GUCY1A1: variants seen among roughly 807,000 people sequenced by gnomAD.
The protein encoded by GUCY1A1 is guanylate cyclase 1 soluble subunit alpha 1.
GUCY1A1 carries 48 observed loss-of-function variants against 64.5 expected under a neutral mutation model. That is an observed-to-expected ratio of 0.74 (90% confidence interval 0.59 to 0.95). GUCY1A1 has a LOEUF of 0.95. Ranked by LOEUF, GUCY1A1 falls within the 40% of genes least tolerant of loss-of-function variation. GUCY1A1 has a pLI of 0.00. For synonymous variants in GUCY1A1, 308 were observed against 303.4 expected, an observed-to-expected ratio of 1.02 and a Z score of -0.16; for missense variants, 804 against 825.3, an observed-to-expected ratio of 0.97 and a Z score of 0.32.
chr4:155,730,259 T>C lies in GUCY1A1; in HGVS notation c.*28T>C, dbSNP rs1735385685. ...ACCTATATACCTATTTATAAGTCTT[T>C]GGGGTTTGACTCATTGAAGATGTGT... On this transcript the variant is annotated 3_prime_UTR_variant, in exon 10 of 10. Coordinates refer to ENST00000506455, the MANE Select transcript of GUCY1A1 (RefSeq NM_001130682.3). The C allele has an allele frequency of 5.5e-6, 8 of 1,456,254 alleles. No individual in the cohort carries two copies. In the South Asian group the frequency reaches 9.1e-5, roughly 17 times the overall value. The allele number at this position is 1,456,254 out of a possible 1,614,324, so 90.2% of individuals were successfully genotyped here.
At chr4:155,691,530 C>A (rs572495304) in intron 2 of GUCY1A1, among the ~76,000 whole-genome samples, 1 of 152,256 alleles carries the variant, frequency 6.6e-6, no homozygotes, top group East Asian at 1.9e-4. Context: ...ATAGTTGTTA[C>A]AATTTGTACT....
intron 2 of GUCY1A1, among the ~76,000 whole-genome samples, chr4:155,678,909 T>C (rs1257513539): frequency 1.3e-5 from 2 of 152,216 alleles, no homozygotes; most frequent in African/African-American, 4.8e-5. Flanking sequence ...CTAATAATAT[T>C]GAGCATATGA....
chr4:155,693,648 A>T (rs1392661006), intron 2 of GUCY1A1, among the ~76,000 whole-genome samples: 1 of 152,204 alleles, frequency 6.6e-6, no homozygotes, highest in Non-Finnish European at 1.5e-5. Flanking sequence ...GTTTATACAT[A>T]TGTAATTTAA....
chr4:155,732,805 A>G lies in GUCY1A1; in HGVS notation c.*2574A>G, dbSNP rs34492948. 0.036 allele frequency among the ~76,000 whole-genome samples: 5,421 copies of G among 152,026 alleles called. 122 individuals carry two copies. The highest frequency in any genetic ancestry group is 0.061 in the Middle Eastern group (18 of 294). On this transcript the variant is annotated 3_prime_UTR_variant, in exon 10 of 10. Transcript: ENST00000506455. ...AACAGACTGTTTCTCCTGAAAATGC[A>G]GGAGCTATTCTTTCTGTTCTGGTTA...
At chr4:155,716,194 A>G (rs1290474625) in intron 7 of GUCY1A1, among the ~76,000 whole-genome samples, 2 of 152,182 alleles carry the variant, frequency 1.3e-5, no homozygotes, top group African/African-American at 2.4e-5. Context: ...AAGACAGGTA[A>G]AGAAGAAATC....
intron 2 of GUCY1A1, among the ~76,000 whole-genome samples, chr4:155,674,078 G>A (rs756909677): frequency 2.6e-5 from 4 of 151,106 alleles, no homozygotes; most frequent in Non-Finnish European, 1.5e-5. Flanking sequence ...TGCTATGGCC[G>A]GGCGTGGTGG....
Position 155,730,027 on chromosome 4 carries a change from C to T in GUCY1A1, c.1872-3C>T. On this transcript the variant is annotated splice_polypyrimidine_tract_variant and splice_region_variant and intron_variant, in intron 9 of 9. Coordinates refer to ENST00000506455, the MANE Select transcript of GUCY1A1 (RefSeq NM_001130682.3). Reference sequence around the variant, plus strand: ...TGTCAGTATTATATTTTAATATTTTCAGATTACTCAAAGACTGTCCTGGTT... The same window carrying T: ...TGTCAGTATTATATTTTAATATTTTTAGATTACTCAAAGACTGTCCTGGTT... 1 of 1,566,728 alleles carries T rather than the reference C, an allele frequency of 6.4e-7. No homozygotes were observed. Among genetic ancestry groups the T allele is most frequent in the Non-Finnish European group, 8.8e-7 (1 of 1,138,256 alleles).
intron 2 of GUCY1A1, among the ~76,000 whole-genome samples, chr4:155,682,598 G>GCTT (rs1735943517): frequency 6.6e-6 from 1 of 152,002 alleles, no homozygotes; most frequent in African/African-American, 2.4e-5. Flanking sequence ...CTTGAAACCG[G>GCTT]GAGGTGGAGG....
At chr4:155,680,922 TACACAC>T (rs10591570) in intron 2 of GUCY1A1, among the ~76,000 whole-genome samples, 36 of 148,396 alleles carry the variant, frequency 2.4e-4, no homozygotes, top group Middle Eastern at 6.8e-3. Flanking sequence ...GTCGATTGGA[TACACAC>T]ACACACACAC....
chr4:155,713,644 T>C (rs1310025501), intron 7 of GUCY1A1, 61 bp downstream of exon 7: 5 of 1,559,068 alleles, frequency 3.2e-6, no homozygotes, highest in Non-Finnish European at 4.4e-6. Flanking sequence ...ACAAGCACTG[T>C]GCCTAGGACC....
At chr4:155,692,990 C>A (rs945431130) in intron 2 of GUCY1A1, among the ~76,000 whole-genome samples, 12 of 151,828 alleles carry the variant, frequency 7.9e-5, no homozygotes, top group Admixed American at 3.9e-4. Flanking sequence ...GCCCAGGAGG[C>A]GGAGGTTTCA....
Position 155,710,980 on chromosome 4 carries a change from A to T in GUCY1A1, c.815A>T (p.Gln272Leu), listed in dbSNP as rs767881072. Residue 272 changes from glutamine to leucine, a missense_variant, in exon 6 of 10, where the codon CAG (glutamine) becomes CTG (leucine). Gln to Leu is a moderately radical substitution (Grantham distance 113, BLOSUM62 -2). Transcript: ENST00000506455. ...TKPSLSPSKP[Q>L]SSLVIPTSLF... ...CCATCCCTGTCCCCCAGCAAACCCCAGTCCTCGCTGGTGATTCCCACATCG... is the reference window on the plus strand; with the variant it reads ...CCATCCCTGTCCCCCAGCAAACCCCTGTCCTCGCTGGTGATTCCCACATCG... 6.2e-7 allele frequency: 1 copy of T among 1,613,386 alleles called. No homozygotes were observed. Among genetic ancestry groups the T allele is most frequent in the Non-Finnish European group, 8.5e-7 (1 of 1,179,314 alleles).
At chr4:155,720,596 A>G (rs968538198) in intron 8 of GUCY1A1, among the ~76,000 whole-genome samples, 1 of 152,166 alleles carries the variant, frequency 6.6e-6, no homozygotes, top group Admixed American at 6.6e-5. Context: ...GTTAGAATAC[A>G]AAGTTCCTGA....
chr4:155,717,209 G>A lies in GUCY1A1; in HGVS notation c.1623G>A (p.Glu541=), dbSNP rs886685408. 6.3e-7 allele frequency: 1 copy of A among 1,587,410 alleles called. No homozygotes were observed. The highest frequency in any genetic ancestry group is 1.3e-5 in the African/African-American group (1 of 74,332). Residue 541 remains glutamate, a synonymous_variant, in exon 8 of 10, where the codon GAG becomes GAA. Transcript: ENST00000506455. ...GTGTAGCTGGGGGATTACACAAAGA[G>A]AGTGATACTCATGCTGTTCAGATAG... The part of the protein sequence containing the change: ...AYCVAGGLHK[E]SDTHAVQIAL...
chr4:155,718,721 T>C (rs1733584037), intron 8 of GUCY1A1, among the ~76,000 whole-genome samples: 1 of 152,142 alleles, frequency 6.6e-6, no homozygotes, highest in African/African-American at 2.4e-5. Context: ...AGGTGGTTCA[T>C]GTCCCACTGA....
chr4:155,693,614 C>A (rs1290255886), intron 2 of GUCY1A1, among the ~76,000 whole-genome samples: 3 of 152,122 alleles, frequency 2.0e-5, no homozygotes, highest in Non-Finnish European at 4.4e-5. Context: ...ATCAGTTGAG[C>A]AGATGAAGAA....
chr4:155,689,794 G>C (rs908905711), intron 2 of GUCY1A1, among the ~76,000 whole-genome samples: 1 of 152,204 alleles, frequency 6.6e-6, no homozygotes, highest in African/African-American at 2.4e-5. Flanking sequence ...GGCGAGTCGG[G>C]GGGCAGGGGC....
intron 8 of GUCY1A1, among the ~76,000 whole-genome samples, chr4:155,719,265 A>T (rs1036188332): frequency 3.3e-5 from 5 of 152,202 alleles, no homozygotes; most frequent in African/African-American, 9.6e-5. Flanking sequence ...TATGCATACT[A>T]ACCTGCAGCC....
intron 2 of GUCY1A1, among the ~76,000 whole-genome samples, chr4:155,689,464 C>T (rs977520335): frequency 2.0e-5 from 3 of 152,148 alleles, no homozygotes; most frequent in African/African-American, 7.2e-5. Context: ...TTGTAGTCAT[C>T]ACACGGGAGA....
Sources: allele counts gnomAD v4.1 joint callset (sites outside exome capture counted in the v4.1 genomes callset), GRCh38; gene constraint gnomAD v4.1.1; transcripts MANE v1.5; gene names NCBI Gene and HGNC (gene_info 2026-07-23, HGNC 2026-07-21).